Variants in SPRED1 observed in about 807,000 individuals in gnomAD.
SPRED1 encodes sprouty-related, EVH1 domain-containing protein 1.
Under a neutral mutation model 52.3 loss-of-function variants are expected in SPRED1, and 18 were observed. The observed-to-expected ratio is 0.34, with a 90% CI of 0.24 to 0.51. The LOEUF (loss-of-function observed/expected upper bound fraction) is 0.51. Among genes scored for constraint, SPRED1 ranks in the 20% least tolerant of loss-of-function variants. SPRED1 has a pLI of 0.97. For missense variants in SPRED1, 485 were observed against 551.0 expected, an observed-to-expected ratio of 0.88 and a Z score of 1.20; for synonymous variants, 155 against 179.7, an observed-to-expected ratio of 0.86 and a Z score of 1.10.
rs2141007899 is a variant in SPRED1, at chr15:38,339,834, G to T, written c.521G>T (p.Arg174Ile). The T allele has an allele frequency of 1.2e-6, 2 of 1,613,926 alleles. No homozygotes were observed. The highest frequency in any genetic ancestry group is 1.7e-6 in the Non-Finnish European group (2 of 1,179,920). The change falls in exon 5 of 7, where the codon AGA (arginine) becomes ATA (isoleucine). Residue 174 changes from arginine to isoleucine, a missense_variant. By Grantham distance (97) the Arg-to-Ile change is moderately conservative. Around this residue, in one of 5 missense-constraint regions of SPRED1, gnomAD observed 232 missense variants for 231.8 expected, o/e 1.00. Coordinates refer to ENST00000299084, the MANE Select transcript of SPRED1 (RefSeq NM_152594.3). Reference protein sequence around the residue: ...TSEPYRSSNIRPSPFEDLNAR... With the variant: ...TSEPYRSSNIIPSPFEDLNAR... ...GAGCCTTATAGAAGCTCAAATATAAGACCTTCTCCCTTTGAAGATCTGAAT... is the reference window on the plus strand; with the variant it reads ...GAGCCTTATAGAAGCTCAAATATAATACCTTCTCCCTTTGAAGATCTGAAT...
At chr15:38,319,003 TGA>T (rs1405390779) in intron 2 of SPRED1, among the ~76,000 whole-genome samples, 1 of 152,194 alleles carries the variant, frequency 6.6e-6, no homozygotes, top group African/African-American at 2.4e-5. Flanking sequence ...AAATTTTATT[TGA>T]GAGTTAATAG....
chr15:38,324,354 A>C (rs1315396073), intron 3 of SPRED1, among the ~76,000 whole-genome samples: 1 of 152,212 alleles, frequency 6.6e-6, no homozygotes, highest in Non-Finnish European at 1.5e-5. Context: ...TAAAGCAACT[A>C]AAATCCTGGT....
At chr15:38,273,685 A>T (rs948435866) in intron 1 of SPRED1, among the ~76,000 whole-genome samples, 1 of 152,068 alleles carries the variant, frequency 6.6e-6, no homozygotes, top group Non-Finnish European at 1.5e-5. Context: ...TTAAATGATA[A>T]TTTGTAGCTA....
rs928257650 is a variant in SPRED1 at position 38,353,925 on chromosome 15, T to C, written c.*2261T>C. 1 of 152,644 alleles carries C rather than the reference T, an allele frequency of 6.6e-6. No individual in the cohort carries two copies. The highest frequency in any genetic ancestry group is 6.5e-5 in the Admixed American group (1 of 15,286). The allele number at this position is 152,644 out of a possible 1,614,324, so 9.5% of individuals were successfully genotyped here. A position where few individuals can be genotyped will look rare whatever the true frequency, so the allele number is the denominator to read the frequency against. On this transcript the variant is annotated 3_prime_UTR_variant, in exon 7 of 7. Coordinates refer to ENST00000299084, the MANE Select transcript of SPRED1 (RefSeq NM_152594.3). Reference sequence around the variant, plus strand: ...ATATGCAACATATATGCTTTAATATTTTAATGTTTGTGCATTAATATTTTC... The same window carrying C: ...ATATGCAACATATATGCTTTAATATCTTAATGTTTGTGCATTAATATTTTC...
At chr15:38,300,648 T>C (rs368682709) in intron 2 of SPRED1, among the ~76,000 whole-genome samples, 2 of 152,166 alleles carry the variant, frequency 1.3e-5, no homozygotes, top group Non-Finnish European at 2.9e-5. Flanking sequence ...CCTACACTAA[T>C]GTTTTATGAG....
At chr15:38,264,613 G>C (rs1894268698) in intron 1 of SPRED1, among the ~76,000 whole-genome samples, 1 of 152,156 alleles carries the variant, frequency 6.6e-6, no homozygotes, top group African/African-American at 2.4e-5. Flanking sequence ...AGCTAGGGTG[G>C]TATCAGGAGT....
At chr15:38,301,573 T>C (rs955718992) in intron 2 of SPRED1, among the ~76,000 whole-genome samples, 5 of 152,102 alleles carry the variant, frequency 3.3e-5, no homozygotes, top group Admixed American at 2.0e-4. Flanking sequence ...GGGACTTGTG[T>C]GATCAAAGGC....
chr15:38,296,298 G>T (rs1895038793), intron 1 of SPRED1, among the ~76,000 whole-genome samples: 1 of 152,012 alleles, frequency 6.6e-6, no homozygotes, highest in South Asian at 2.1e-4. Context: ...AAAACTACTA[G>T]GGCTTGTAAA....
intron 2 of SPRED1, among the ~76,000 whole-genome samples, chr15:38,304,108 T>C (rs112170001): frequency 3.5e-4 from 54 of 152,336 alleles, no homozygotes; most frequent in African/African-American, 1.2e-3. Context: ...AATTAGAATA[T>C]TTCTTTTCTA....
intron 1 of SPRED1, among the ~76,000 whole-genome samples, chr15:38,282,628 T>C (rs1012932696): frequency 1.3e-5 from 2 of 152,148 alleles, no homozygotes; most frequent in Admixed American, 1.3e-4. Context: ...TAAGCAGTGG[T>C]AGGATGGTTT....
chr15:38,334,773 A>T (rs1460730003), intron 4 of SPRED1, among the ~76,000 whole-genome samples: 1 of 151,788 alleles, frequency 6.6e-6, no homozygotes, highest in African/African-American at 2.4e-5. Flanking sequence ...TGATATTTTG[A>T]TTCTTGTTTT....
At chr15:38,331,311 T>A (rs542734767) in intron 4 of SPRED1, among the ~76,000 whole-genome samples, 46 of 152,266 alleles carry the variant, frequency 3.0e-4, no homozygotes, top group Admixed American at 1.6e-3. Context: ...GCCAGTGTAT[T>A]TACAGTCTTT....
chr15:38,340,850 T>G (rs1160288276), intron 5 of SPRED1, among the ~76,000 whole-genome samples: 1 of 152,182 alleles, frequency 6.6e-6, no homozygotes. Flanking sequence ...AATGTTTTTA[T>G]TGGGTGTTGC....
chr15:38,351,775 C>T lies in SPRED1; in HGVS notation c.*111C>T. ...TGGAATCTTGCCTGGTATCATTGAG[C>T]CCACACATGGAGGAAGCAGAACTCA... On this transcript the variant is annotated 3_prime_UTR_variant, in exon 7 of 7. Coordinates refer to ENST00000299084, the MANE Select transcript of SPRED1 (RefSeq NM_152594.3). The T allele has an allele frequency of 7.6e-7, 1 of 1,312,224 alleles. No homozygotes were observed. Among genetic ancestry groups the T allele is most frequent in the Non-Finnish European group, 1.1e-6 (1 of 941,810 alleles). 81.3% of individuals were successfully genotyped at this position (1,312,224 alleles called of 1,614,324 possible).
intron 4 of SPRED1, among the ~76,000 whole-genome samples, chr15:38,337,776 G>T (rs1162614396): frequency 1.3e-5 from 2 of 151,596 alleles, no homozygotes; most frequent in African/African-American, 4.8e-5. Flanking sequence ...TTATAATTTA[G>T]TAAAAGATAA....
chr15:38,339,931 A>G (rs1276021963), intron 5 of SPRED1, 36 bp downstream of exon 5: 8 of 1,613,056 alleles, frequency 5.0e-6, no homozygotes, highest in South Asian at 3.3e-5. Flanking sequence ...CGCGTTGTTT[A>G]TATGTGTAGA....
Position 38,349,433 on chromosome 15 carries a change from T to G in SPRED1, c.594T>G (p.Gly198=). Residue 198 remains glycine (G), a synonymous_variant, in exon 6 of 7, where the codon GGT becomes GGG. Coordinates refer to ENST00000299084, the MANE Select transcript of SPRED1 (RefSeq NM_152594.3). ...TGTTTGTATTTTAGATAACATTTGG[T>G]CAGCCAGGCTTGGACATTCAGAGCA... ...MQSQANQITF[G]QPGLDIQSRS... 6.2e-7 allele frequency: 1 copy of G among 1,611,660 alleles called. No homozygotes were observed. Among genetic ancestry groups the G allele is most frequent in the East Asian group, 2.2e-5 (1 of 44,772 alleles).
At chr15:38,304,872 AT>A (rs375950756) in intron 2 of SPRED1, among the ~76,000 whole-genome samples, 5 of 152,000 alleles carry the variant, frequency 3.3e-5, no homozygotes, top group South Asian at 2.1e-4. Flanking sequence ...TGGCTTCAGT[AT>A]TTTTTTATTG....
chr15:38,334,145 GA>G (rs1025354432), intron 4 of SPRED1, among the ~76,000 whole-genome samples: 14 of 151,662 alleles, frequency 9.2e-5, no homozygotes, highest in African/African-American at 3.1e-4. Context: ...GAATTTCACT[GA>G]AAAAAAATTG....
Sources: gnomAD v4.1 joint callset for allele counts (sites outside exome capture counted in the v4.1 genomes callset) on GRCh38, gnomAD v4.1.1 for gene constraint, gnomAD v4.1.1 regional missense constraint, MANE v1.5 for transcripts, NCBI Gene and HGNC (gene_info 2026-07-23, HGNC 2026-07-21) for gene names.